MBNL2: variants seen among roughly 807,000 people sequenced by gnomAD.
MBNL2 encodes the protein muscleblind-like protein 2.
Under a neutral mutation model 41.9 loss-of-function variants are expected in MBNL2, and 17 were observed. The ratio of observed to expected loss-of-function variants is 0.41; its 90% CI spans 0.28 to 0.61. The LOEUF is 0.61. Among genes scored for constraint, MBNL2 ranks in the 20% least tolerant of loss-of-function variants. The pLI, the probability that MBNL2 is intolerant of heterozygous loss-of-function variation, is 0.35. For missense variants in MBNL2, 336 were observed against 505.6 expected, an observed-to-expected ratio of 0.66 and a Z score of 3.22; for synonymous variants, 195 against 182.9, an observed-to-expected ratio of 1.07 and a Z score of -0.53.
the MBNL2 span, among the ~76,000 whole-genome samples, chr13:97,153,169 TAA>T: frequency 6.6e-6 from 1 of 152,104 alleles, no homozygotes; most frequent in Admixed American, 6.6e-5. Context: ...AGAAATGTAA[TAA>T]TAGTACATTA....
the MBNL2 span, among the ~76,000 whole-genome samples, chr13:97,151,221 G>T: frequency 6.6e-6 from 1 of 152,134 alleles, no homozygotes; most frequent in Non-Finnish European, 1.5e-5. Context: ...CAGGAATGGC[G>T]GTGGCAGATG....
intron 5 of MBNL2, among the ~76,000 whole-genome samples, chr13:97,355,054 C>A (rs1447024638): frequency 1.3e-5 from 2 of 152,150 alleles, no homozygotes; most frequent in African/African-American, 4.8e-5. Context: ...AGATTCGAAA[C>A]AAAAATGGCA....
chr13:97,266,603 G>A (rs1385264784), intron 1 of MBNL2, among the ~76,000 whole-genome samples: 1 of 152,246 alleles, frequency 6.6e-6, no homozygotes, highest in Non-Finnish European at 1.5e-5. Flanking sequence ...TTAGGATGCG[G>A]CCAAGTCATC....
At chr13:97,231,196 G>A (rs1022532198) in intron 1 of MBNL2, among the ~76,000 whole-genome samples, 8 of 152,206 alleles carry the variant, frequency 5.3e-5, no homozygotes, top group South Asian at 4.1e-4. Flanking sequence ...AGTACTTGAA[G>A]TATGCAAATA....
the MBNL2 span, among the ~76,000 whole-genome samples, chr13:97,189,108 G>T: frequency 1.3e-5 from 2 of 151,818 alleles, no homozygotes; most frequent in East Asian, 3.9e-4. Flanking sequence ...CACTCAGGCT[G>T]GTCTCAAACT....
chr13:97,234,467 C>T (rs544132094), intron 1 of MBNL2, among the ~76,000 whole-genome samples: 1 of 152,248 alleles, frequency 6.6e-6, no homozygotes, highest in Non-Finnish European at 1.5e-5. Context: ...TTTAACTTCT[C>T]TCAGCTTGGT....
In MBNL2 at chr13:97,230,155, G is replaced by A. The variant is rs550127860; in HGVS notation, c.-605+7624G>A. Among the ~76,000 whole-genome samples the A allele has an allele frequency of 3.2e-4, 49 of 152,246 alleles. 1 individual carries two copies. In the South Asian group the frequency reaches 8.9e-3, roughly 28 times the overall value. On this transcript the variant is annotated intron_variant, in intron 1 of 8. Coordinates refer to ENST00000679496, the MANE Select transcript of MBNL2 (RefSeq NM_001382683.1). ...TGTACTAAAAATAGAAAAATTAGCC[G>A]GATGTGGTGGCACATGCCTGTGATC... is the stretch of plus-strand genomic sequence containing the variant.
the MBNL2 span, among the ~76,000 whole-genome samples, chr13:97,159,028 T>G: frequency 6.6e-6 from 1 of 150,690 alleles, no homozygotes; most frequent in Non-Finnish European, 1.5e-5. Flanking sequence ...TGTGTGGGAG[T>G]CTAAGTCTCT....
intron 1 of MBNL2, among the ~76,000 whole-genome samples, chr13:97,251,831 A>ATTTTT: frequency 1.5e-5 from 2 of 134,104 alleles, no homozygotes; most frequent in African/African-American, 5.9e-5. Flanking sequence ...TGTATCCTCA[A>ATTTTT]TTCTTTTTTT....
intron 3 of MBNL2, among the ~76,000 whole-genome samples, chr13:97,340,222 C>A (rs1370515297): frequency 6.6e-6 from 1 of 152,160 alleles, no homozygotes; most frequent in Non-Finnish European, 1.5e-5. Context: ...TGCAAATCAC[C>A]GTAACTGTAT....
intron 1 of MBNL2, among the ~76,000 whole-genome samples, chr13:97,229,781 C>T (rs1290141308): frequency 6.6e-6 from 1 of 152,132 alleles, no homozygotes; most frequent in South Asian, 2.1e-4. Flanking sequence ...ATTTCATTAC[C>T]TATAACATCA....
intron 2 of MBNL2, among the ~76,000 whole-genome samples, chr13:97,299,648 A>ATATCTATCTATCTATC (rs59785563): frequency 0.022 from 3,262 of 149,344 alleles, 34 homozygotes; most frequent in East Asian, 0.064. Context: ...TAGAATTACT[A>ATATCTATCTATCTATC]TATCTATCTA....
At chr13:97,367,330 A>T (rs867558849) in intron 8 of MBNL2, among the ~76,000 whole-genome samples, 4 of 152,184 alleles carry the variant, frequency 2.6e-5, no homozygotes, top group Non-Finnish European at 5.9e-5. Flanking sequence ...AGCCACAAGG[A>T]GACAGCGTGA....
the MBNL2 span, among the ~76,000 whole-genome samples, chr13:97,212,764 C>G: frequency 6.6e-6 from 1 of 152,200 alleles, no homozygotes; most frequent in Non-Finnish European, 1.5e-5. Flanking sequence ...ATAGATGTCT[C>G]TCTTTGTCGT....
chr13:97,278,071 T>C lies in MBNL2; in HGVS notation c.174+1662T>C, dbSNP rs113760824. Among the ~76,000 whole-genome samples, 860 of 151,932 alleles carry C rather than the reference T, an allele frequency of 5.7e-3. 10 individuals are homozygous for C. Among genetic ancestry groups the C allele is most frequent in the African/African-American group, 0.02 (816 of 41,414 alleles). Reference sequence around the variant, plus strand: ...GGGTTTGAGACCAGCCTGGCCAGCATGGTGAAACCCTATCTCTATTAAAAA... The same window carrying C: ...GGGTTTGAGACCAGCCTGGCCAGCACGGTGAAACCCTATCTCTATTAAAAA... On this transcript the variant is annotated intron_variant, in intron 2 of 8. Transcript: ENST00000679496.
At chr13:97,142,979 T>A in the MBNL2 span, among the ~76,000 whole-genome samples, 3 of 152,204 alleles carry the variant, frequency 2.0e-5, no homozygotes, top group African/African-American at 7.2e-5. Context: ...CCGGATCAGA[T>A]CCTCTTAGGA....
rs376453172 is a variant in MBNL2 at position 97,283,836 on chromosome 13, A to G, written c.174+7427A>G. 3.3e-5 allele frequency among the ~76,000 whole-genome samples: 5 copies of G among 152,312 alleles called. No individual in the cohort carries two copies. The South Asian group carries it at 1.0e-3, about 32-fold the overall frequency. On this transcript the variant is annotated intron_variant, in intron 2 of 8. Transcript: ENST00000679496. ...GAAGGAGAAACATGCAGCTTTCAGG[A>G]TAAAAGCAGAACCGTGACTCCCTAA...
At chr13:97,216,656 ACT>A (rs2040401717), upstream of MBNL2, among the ~76,000 whole-genome samples, 1 of 152,100 alleles carries the variant, frequency 6.6e-6, no homozygotes, top group African/African-American at 2.4e-5. Flanking sequence ...TCAAAGGGAG[ACT>A]CTGTTTCTCA....
At chr13:97,298,497 A>G (rs777589154) in intron 2 of MBNL2, among the ~76,000 whole-genome samples, 2 of 152,174 alleles carry the variant, frequency 1.3e-5, no homozygotes, top group Non-Finnish European at 1.5e-5. Flanking sequence ...AAAATCTGAG[A>G]CTTAACAAGA....
Sources: gnomAD v4.1 joint callset for allele counts (sites outside exome capture counted in the v4.1 genomes callset) on GRCh38, gnomAD v4.1.1 for gene constraint, MANE v1.5 for transcripts, NCBI Gene and HGNC (gene_info 2026-07-23, HGNC 2026-07-21) for gene names.